NEBL: variants seen among roughly 807,000 people sequenced by gnomAD.
The protein encoded by NEBL is LIM and SH3 protein 2.
In NEBL, 122 loss-of-function variants were observed where a neutral mutation model predicts 140.2. That is an observed-to-expected ratio of 0.87 (90% CI 0.75 to 1.01). The LOEUF is 1.01. Ranked by LOEUF, NEBL falls within the 50% of genes least tolerant of loss-of-function variation. NEBL has a pLI of 0.00. For synonymous variants in NEBL, 436 were observed against 398.9 expected (o/e 1.09, Z -1.11); for missense variants, 1,365 against 1,231.3 (o/e 1.11, Z -1.62).
chr10:21,249,013 GGTGTTT>G (rs1842553498), intron 2 of NEBL, among the ~76,000 whole-genome samples: 1 of 145,936 alleles, frequency 6.9e-6, no homozygotes, highest in Non-Finnish European at 1.5e-5. Flanking sequence ...CTCATTTTTG[GGTGTTT>G]TTGTTTTTGT....
chr10:21,196,232 G>T (rs1841645342), intron 3 of NEBL, among the ~76,000 whole-genome samples: 1 of 152,006 alleles, frequency 6.6e-6, no homozygotes, highest in East Asian at 1.9e-4. Context: ...TCGAACTCCT[G>T]ACCTCGTGAT....
chr10:21,170,499 A>G (rs1841024302), intron 2 of NEBL: 2 of 152,176 alleles, frequency 1.3e-5, no homozygotes, highest in Non-Finnish European at 2.9e-5. Flanking sequence ...CCTGCCTTTG[A>G]TCTTTAACCA....
intron 2 of NEBL, chr10:21,113,294 A>AAAAAAAAAAAAAAAAAAAAAAAAAC (rs1838127304): frequency 3.1e-6 from 1 of 318,700 alleles, no homozygotes; most frequent in African/African-American, 2.4e-5. Context: ...GAATCCTAAA[A>AAAAAAAAAAAAAAAAAAAAAAAAAC]AAAAAAAAAA....
intron 1 of NEBL, among the ~76,000 whole-genome samples, chr10:21,271,267 G>A (rs1448368264): frequency 6.6e-6 from 1 of 152,134 alleles, no homozygotes; most frequent in Non-Finnish European, 1.5e-5. Flanking sequence ...GACAAATACT[G>A]CATGATCTCA....
intron 11 of NEBL, 33 bp from the exon 12 acceptor site, chr10:20,845,401 G>T: frequency 7.9e-7 from 1 of 1,265,862 alleles, no homozygotes; most frequent in Non-Finnish European, 1.2e-6. Context: ...TTTAAAGTTA[G>T]CAAATATCAG....
chr10:20,887,968 T>C, intron 4 of NEBL, 129 bp downstream of exon 4: 1 of 720,470 alleles, frequency 1.4e-6, no homozygotes, highest in Non-Finnish European at 2.5e-6. Context: ...AGCACATTAA[T>C]CAGTTGCTTT....
intron 8 of NEBL, 59 bp from the exon 9 acceptor site, chr10:20,858,403 AT>A (rs1299450241): frequency 5.9e-6 from 8 of 1,367,196 alleles, no homozygotes; most frequent in Non-Finnish European, 8.3e-6. Flanking sequence ...ATGCTTTTGC[AT>A]TATTGCATTT....
chr10:21,068,895 T>C (rs1226354487), intron 2 of NEBL, among the ~76,000 whole-genome samples: 2 of 152,200 alleles, frequency 1.3e-5, no homozygotes, highest in Admixed American at 1.3e-4. Context: ...ATTGTTGTTG[T>C]TGTTGTTTAA....
intron 3 of NEBL, among the ~76,000 whole-genome samples, chr10:21,197,861 CTGA>C (rs898546462): frequency 7.2e-5 from 11 of 152,178 alleles, no homozygotes; most frequent in African/African-American, 2.4e-4. Context: ...TTTCCATGTC[CTGA>C]TGATTTCATC....
intron 4 of NEBL, among the ~76,000 whole-genome samples, chr10:20,885,800 A>T (rs372909923): frequency 2.0e-5 from 3 of 152,208 alleles, no homozygotes; most frequent in Admixed American, 6.5e-5. Flanking sequence ...AAAGTGACCC[A>T]CATTATCAGC....
chr10:21,186,182 G>A (rs1171266731), intron 3 of NEBL, among the ~76,000 whole-genome samples: 1 of 151,504 alleles, frequency 6.6e-6, no homozygotes, highest in Non-Finnish European at 1.5e-5. Flanking sequence ...ATAGAAAGCT[G>A]TTACAGATGT....
chr10:21,052,181 AG>A (rs1202160301), intron 2 of NEBL, among the ~76,000 whole-genome samples: 1 of 152,238 alleles, frequency 6.6e-6, no homozygotes, highest in African/African-American at 2.4e-5. Flanking sequence ...AGGAAATGCA[AG>A]TTGCAATGAG....
intron 2 of NEBL, among the ~76,000 whole-genome samples, chr10:21,137,128 C>T (rs1256460626): frequency 6.6e-6 from 1 of 152,176 alleles, no homozygotes; most frequent in Non-Finnish European, 1.5e-5. Context: ...GGGTCTTAGT[C>T]CTGACTCTAT....
intron 3 of NEBL, among the ~76,000 whole-genome samples, chr10:21,233,840 TATATATTACATATATAG>T (rs1383578065): frequency 9.6e-6 from 1 of 104,568 alleles, no homozygotes; most frequent in Admixed American, 1.1e-4. Flanking sequence ...TATATATGGA[TATATATTACATATATAG>T]ATATATATTA....
At chr10:20,855,472 G>A (rs745799897) in intron 9 of NEBL, among the ~76,000 whole-genome samples, 6 of 148,354 alleles carry the variant, frequency 4.0e-5, no homozygotes, top group South Asian at 2.1e-4. Flanking sequence ...CACAATTATC[G>A]ATTTTAGTTA....
chr10:21,043,481 C>T (rs2131835950), intron 2 of NEBL, among the ~76,000 whole-genome samples: 1 of 152,282 alleles, frequency 6.6e-6, no homozygotes, highest in South Asian at 2.1e-4. Context: ...TTTAAGATAT[C>T]ATTCTTCAAA....
At chr10:20,860,486 T>A (rs1273197160) in intron 7 of NEBL, among the ~76,000 whole-genome samples, 2 of 148,512 alleles carry the variant, frequency 1.3e-5, no homozygotes, top group East Asian at 4.0e-4. Flanking sequence ...TTGGTAGGAC[T>A]ATATTTTTCT....
At chr10:21,083,408 C>T (rs1046325312) in intron 2 of NEBL, among the ~76,000 whole-genome samples, 1 of 152,126 alleles carries the variant, frequency 6.6e-6, no homozygotes, top group African/African-American at 2.4e-5. Flanking sequence ...CTCCTTGTAG[C>T]AATGATCTGT....
intron 2 of NEBL, among the ~76,000 whole-genome samples, chr10:21,119,886 G>C (rs1007445051): frequency 4.6e-5 from 7 of 151,968 alleles, no homozygotes. Context: ...CCTTTAAACA[G>C]CTCCCCAGCC....
Sources: gnomAD v4.1 joint callset for allele counts (sites outside exome capture counted in the v4.1 genomes callset) on GRCh38, gnomAD v4.1.1 for gene constraint, MANE v1.5 for transcripts, NCBI Gene and HGNC (gene_info 2026-07-23, HGNC 2026-07-21) for gene names.